PLAGL1: variants seen among roughly 807,000 people sequenced by gnomAD.
PLAGL1 encodes zinc finger protein PLAGL1.
In PLAGL1, 1 loss-of-function variant was observed where a neutral mutation model predicts 4.6. The ratio of observed to expected loss-of-function variants is 0.22; its 90% CI spans 0.08 to 1.03. The LOEUF is 1.03. Ranked by LOEUF, PLAGL1 falls within the 50% of genes least tolerant of loss-of-function variation. The probability of loss-of-function intolerance (pLI) is 0.58; values close to 1 mark genes in which losing one functional copy is unlikely to be tolerated. For missense variants in PLAGL1, 464 were observed against 570.4 expected (o/e 0.81, Z 1.90); for synonymous variants, 240 against 237.8 (o/e 1.01, Z -0.08).
In PLAGL1 at chr6:143,960,735, G is replaced by A. The variant is rs1783217820; in HGVS notation, c.-398-193C>T. The A allele has an allele frequency of 2.0e-5, 3 of 152,054 alleles. No homozygotes were observed. The highest frequency in any genetic ancestry group is 4.4e-5 in the Non-Finnish European group (3 of 68,024). 9.4% of individuals were successfully genotyped at this position (152,054 alleles called of 1,614,324 possible). On this transcript the variant is annotated intron_variant, in intron 5 of 7. Coordinates refer to ENST00000674357, the MANE Select transcript of PLAGL1 (RefSeq NM_001317162.2). The surrounding 1 kb of genome is among the most constrained non-coding windows in gnomAD (Gnocchi z 5.7). ...ATATCCTTTGTCCTACTTGCAACTG[G>A]ATTAAGAAAAACTCTCAACTTTTCC...
rs1314819989 is a variant in PLAGL1 at position 144,048,141 on chromosome 6, CAAG to C, written c.-151+16324_-151+16326del. On this transcript the variant is annotated intron_variant, in intron 1 of 3. Transcript: ENST00000437412. The surrounding 1 kb of genome is among the most constrained non-coding windows in gnomAD (Gnocchi z 4.8). ...TGTCTCACATCAGGGTATGCTGATG[CAAG>C]AAGTGGGCTCCCACGGTCTTGGGCA... is the stretch of plus-strand genomic sequence containing the variant. 6.6e-6 allele frequency among the ~76,000 whole-genome samples: 1 copy of C among 152,206 alleles called. No homozygotes were observed. Among genetic ancestry groups the C allele is most frequent in the Non-Finnish European group, 1.5e-5 (1 of 68,042 alleles).
At position 144,016,824 on chromosome 6, in the gene PLAGL1, G is replaced by T. The variant is rs1795595897; in HGVS notation, c.-151+47644C>A. Among the ~76,000 whole-genome samples, 1 of 152,132 alleles carries T rather than the reference G, an allele frequency of 6.6e-6. No homozygotes were observed. Among genetic ancestry groups the T allele is most frequent in the South Asian group, 2.1e-4 (1 of 4,816 alleles). ...GATAGGATGAGGAGAAATCACATGA[G>T]ATTGGTTTTATCTCTATTACCAGCA... On this transcript the variant is annotated intron_variant, in intron 1 of 3. Coordinates refer to the PLAGL1 transcript ENST00000437412. The surrounding 1 kb of genome is among the most constrained non-coding windows in gnomAD (Gnocchi z 4.2).
In PLAGL1 at chr6:143,972,146, C is replaced by T. The variant is rs1785538155; in HGVS notation, c.-543-3168G>A. Among the ~76,000 whole-genome samples, 1 of 152,252 alleles carries T rather than the reference C, an allele frequency of 6.6e-6. No homozygotes were observed. The highest frequency in any genetic ancestry group is 2.4e-5 in the African/African-American group (1 of 41,472). Reference sequence around the variant, plus strand: ...CAGTTGAAACTGTGATAAGTAATTACTTTCAAAGGAATGTAGACAGAGCCA... The same window carrying T: ...CAGTTGAAACTGTGATAAGTAATTATTTTCAAAGGAATGTAGACAGAGCCA... On this transcript the variant is annotated intron_variant, in intron 2 of 7. Transcript: ENST00000674357. The surrounding 1 kb of genome is among the most constrained non-coding windows in gnomAD (Gnocchi z 6.8).
In PLAGL1 at chr6:144,016,938, C is replaced by T. The variant is rs1478976975; in HGVS notation, c.-151+47530G>A. 6.6e-6 allele frequency among the ~76,000 whole-genome samples: 1 copy of T among 152,030 alleles called. No individual in the cohort carries two copies. The highest frequency in any genetic ancestry group is 1.5e-5 in the Non-Finnish European group (1 of 68,010). Reference sequence around the variant, plus strand: ...TGTGCATTATCAGTCTGTTTTCTAACCTGTGAGGGTGTCAGTGGCAGAGGT... The same window carrying T: ...TGTGCATTATCAGTCTGTTTTCTAATCTGTGAGGGTGTCAGTGGCAGAGGT... On this transcript the variant is annotated intron_variant, in intron 1 of 3. Transcript: ENST00000437412. This position sits in a 1 kb window ranked among gnomAD's most constrained non-coding sequence, Gnocchi z 4.2.
At chr6:143,951,409 G>A (rs1781051093) in intron 6 of PLAGL1, among the ~76,000 whole-genome samples, 1 of 152,196 alleles carries the variant, frequency 6.6e-6, no homozygotes, top group African/African-American at 2.4e-5. Context: ...TGGCAGTGTG[G>A]ACAACACACG....
chr6:143,952,644 G>T lies in PLAGL1; in HGVS notation c.-324-4184C>A, dbSNP rs1239090431. ...GGGACAGGGGTATACGAGGGTGGAG[G>T]GGGGAGTCAGAACACAACTGTAGTT... On this transcript the variant is annotated intron_variant, in intron 6 of 7. Transcript: ENST00000674357. The surrounding 1 kb of genome is among the most constrained non-coding windows in gnomAD (Gnocchi z 6.1). Among the ~76,000 whole-genome samples the T allele has an allele frequency of 6.6e-6, 1 of 152,114 alleles. No homozygotes were observed. The highest frequency in any genetic ancestry group is 1.5e-5 in the Non-Finnish European group (1 of 68,014).
Position 144,027,300 on chromosome 6 carries a change from T to A in PLAGL1, c.-151+37168A>T, listed in dbSNP as rs920122133. On this transcript the variant is annotated intron_variant, in intron 1 of 3. Transcript: ENST00000437412. This position sits in a 1 kb window ranked among gnomAD's most constrained non-coding sequence, Gnocchi z 5.8. ...GAAAGAAAGAAAGAAAGAAAGTTAT[T>A]TGATCTGAAGTACAATGTCTTTAAG... Among the ~76,000 whole-genome samples the A allele has an allele frequency of 7.6e-6, 1 of 131,536 alleles. No individual in the cohort carries two copies. Among genetic ancestry groups the A allele is most frequent in the Non-Finnish European group, 1.6e-5 (1 of 60,952 alleles). 86.3% of individuals were successfully genotyped at this position (131,536 alleles called of 152,430 possible). A position where few individuals can be genotyped will look rare whatever the true frequency, so the allele number is the denominator to read the frequency against.
Position 144,036,879 on chromosome 6 carries a change from G to T in PLAGL1, c.-151+27589C>A. 1 of 276,496 alleles carries T rather than the reference G, an allele frequency of 3.6e-6. No individual in the cohort carries two copies. Among genetic ancestry groups the T allele is most frequent in the South Asian group, 4.2e-5 (1 of 24,052 alleles). The allele number at this position is 276,496 out of a possible 1,614,324, so 17.1% of individuals were successfully genotyped here. On this transcript the variant is annotated intron_variant, in intron 1 of 3. Coordinates refer to the PLAGL1 transcript ENST00000437412. This position sits in a 1 kb window ranked among gnomAD's most constrained non-coding sequence, Gnocchi z 5.1. Reference sequence around the variant, plus strand: ...CATCCCCTAATGGTTTGTTCTTGGTGTTGGACAAATCATAAAAGGACCAGA... The same window carrying T: ...CATCCCCTAATGGTTTGTTCTTGGTTTTGGACAAATCATAAAAGGACCAGA...
rs994225464 is a variant in PLAGL1, at chr6:143,972,855, G to A, written c.-543-3877C>T. Among the ~76,000 whole-genome samples the A allele has an allele frequency of 6.6e-6, 1 of 152,074 alleles. No homozygotes were observed. The highest frequency in any genetic ancestry group is 1.5e-5 in the Non-Finnish European group (1 of 68,026). Reference sequence around the variant, plus strand: ...TCTACTTCTGTGTTTAAAAAAAGAGGGCGGGTGGAGAATCAACTTCTACTT... The same window carrying A: ...TCTACTTCTGTGTTTAAAAAAAGAGAGCGGGTGGAGAATCAACTTCTACTT... On this transcript the variant is annotated intron_variant, in intron 2 of 7. Transcript: ENST00000674357. This position sits in a 1 kb window ranked among gnomAD's most constrained non-coding sequence, Gnocchi z 6.8.
In PLAGL1 at chr6:143,983,004, G is replaced by A. The variant is rs1788286436; in HGVS notation, c.-544+2131C>T. Among the ~76,000 whole-genome samples the A allele has an allele frequency of 6.6e-6, 1 of 152,146 alleles. No individual in the cohort carries two copies. The highest frequency in any genetic ancestry group is 2.1e-4 in the South Asian group (1 of 4,824). On this transcript the variant is annotated intron_variant, in intron 2 of 7. Coordinates refer to ENST00000674357, the MANE Select transcript of PLAGL1 (RefSeq NM_001317162.2). The surrounding 1 kb of genome is among the most constrained non-coding windows in gnomAD (Gnocchi z 6.6). ...GTATTTAAAGCCATAAAAATGAATG[G>A]GAGCAGCTAGGGAGTGAGAATCGAC...
At position 144,061,258 on chromosome 6, in the gene PLAGL1, A is replaced by G. The variant is rs1489844532; in HGVS notation, c.-151+3210T>C. ...ACTAAATTCCAAAAGGGAGCCTCTC[A>G]TTTCACTTCAGTTACCCATCAGCCA... is the stretch of plus-strand genomic sequence containing the variant. On this transcript the variant is annotated intron_variant, in intron 1 of 3. Transcript: ENST00000437412. This position sits in a 1 kb window ranked among gnomAD's most constrained non-coding sequence, Gnocchi z 4.4. Among the ~76,000 whole-genome samples the G allele has an allele frequency of 2.6e-5, 4 of 152,194 alleles. No individual in the cohort carries two copies. Among genetic ancestry groups the G allele is most frequent in the African/African-American group, 9.7e-5 (4 of 41,442 alleles).
At position 143,948,166 on chromosome 6, in the gene PLAGL1, G is replaced by T; in HGVS notation, c.-30C>A. The T allele has an allele frequency of 6.2e-7, 1 of 1,606,798 alleles. No homozygotes were observed. Among genetic ancestry groups the T allele is most frequent in the Non-Finnish European group, 8.5e-7 (1 of 1,174,966 alleles). On this transcript the variant is annotated 5_prime_UTR_variant, in exon 7 of 8. In the 5' UTR this introduces an upstream ATG that the reference lacks. Transcript: ENST00000674357. The surrounding 1 kb of genome is among the most constrained non-coding windows in gnomAD (Gnocchi z 6.0). ...TTTGCTTCTCACACCTTCCTTTTCA[G>T]ATGTGCTGACCAAATGCTGTGCCAT...
Position 143,955,435 on chromosome 6 carries a change from T to C in PLAGL1, c.-325+5034A>G, listed in dbSNP as rs1781919881. On this transcript the variant is annotated intron_variant, in intron 6 of 7. Coordinates refer to ENST00000674357, the MANE Select transcript of PLAGL1 (RefSeq NM_001317162.2). This position sits in a 1 kb window ranked among gnomAD's most constrained non-coding sequence, Gnocchi z 4.9. The stretch of plus-strand genomic sequence containing the variant: ...TCATAAATTGTTTTTAGCAGATTGA[T>C]CTATTTAGTCAAGTCCAGCCACAAA... Among the ~76,000 whole-genome samples the C allele has an allele frequency of 6.6e-6, 1 of 152,096 alleles. No homozygotes were observed.
rs1305733515 is a variant in PLAGL1, at chr6:144,053,286, C to T, written c.-151+11182G>A. Among the ~76,000 whole-genome samples, 1 of 152,168 alleles carries T rather than the reference C, an allele frequency of 6.6e-6. No homozygotes were observed. The highest frequency in any genetic ancestry group is 2.4e-5 in the African/African-American group (1 of 41,442). On this transcript the variant is annotated intron_variant, in intron 1 of 3. Coordinates refer to the PLAGL1 transcript ENST00000437412. The surrounding 1 kb of genome is among the most constrained non-coding windows in gnomAD (Gnocchi z 4.0). ...AGTACCTGGGATTACAGGCATGCAC[C>T]ATCATGCCGAGCTAATTTTTGTATT... is the stretch of plus-strand genomic sequence containing the variant.
rs1461529333 is a variant in PLAGL1, at chr6:143,979,380, G to A, written c.-544+5755C>T. On this transcript the variant is annotated intron_variant, in intron 2 of 7. Transcript: ENST00000674357. The surrounding 1 kb of genome is among the most constrained non-coding windows in gnomAD (Gnocchi z 4.6). ...CTTACTGACATGATTAGGCTGAAAT[G>A]TACGATCTTGTTATTTGTTGTCTAA... 2.0e-5 allele frequency among the ~76,000 whole-genome samples: 3 copies of A among 152,084 alleles called. No homozygotes were observed. Among genetic ancestry groups the A allele is most frequent in the Non-Finnish European group, 2.9e-5 (2 of 67,958 alleles).
chr6:144,029,455 A>G (rs1252342135), intron 1 of PLAGL1, among the ~76,000 whole-genome samples: 2 of 152,266 alleles, frequency 1.3e-5, no homozygotes, highest in Non-Finnish European at 2.9e-5. Flanking sequence ...ATAAGTAAGG[A>G]AAAGATTAAC....
intron 1 of PLAGL1, chr6:144,007,001 A>G (rs1010105191): frequency 5.9e-5 from 9 of 152,156 alleles, no homozygotes; most frequent in Admixed American, 2.6e-4. Context: ...ACTAAAATGG[A>G]CTTCAAATTC....
In PLAGL1 at chr6:143,994,825, A is replaced by G. The variant is rs1459336506; in HGVS notation, c.-583-9651T>C. ...GTCTTAAGAGTGGGGCTTTAATCCA[A>G]TTAAAATTCTCATTATAATACATGT... On this transcript the variant is annotated intron_variant, in intron 1 of 7. Transcript: ENST00000674357. This position sits in a 1 kb window ranked among gnomAD's most constrained non-coding sequence, Gnocchi z 4.3. Among the ~76,000 whole-genome samples the G allele has an allele frequency of 6.6e-6, 1 of 152,222 alleles. No individual in the cohort carries two copies. Among genetic ancestry groups the G allele is most frequent in the African/African-American group, 2.4e-5 (1 of 41,458 alleles).
chr6:143,975,459 ATAAC>A lies in PLAGL1; in HGVS notation c.-543-6485_-543-6482del, dbSNP rs1562473272. On this transcript the variant is annotated intron_variant, in intron 2 of 7. Coordinates refer to ENST00000674357, the MANE Select transcript of PLAGL1 (RefSeq NM_001317162.2). The surrounding 1 kb of genome is among the most constrained non-coding windows in gnomAD (Gnocchi z 5.8). The stretch of plus-strand genomic sequence containing the variant: ...CAGGGTTTGTGGAGGATCAAATTAG[ATAAC>A]TAATATAAAGCTCCTAAAACAGCAT... 2.0e-5 allele frequency among the ~76,000 whole-genome samples: 3 copies of A among 152,244 alleles called. No individual in the cohort carries two copies. Among genetic ancestry groups the A allele is most frequent in the Admixed American group, 1.3e-4 (2 of 15,290 alleles).
Sources: gnomAD v4.1 joint callset for allele counts (sites outside exome capture counted in the v4.1 genomes callset) on GRCh38, gnomAD v4.1.1 for gene constraint, Gnocchi (gnomAD v3.1) non-coding constraint, MANE v1.5 for transcripts, NCBI Gene and HGNC (gene_info 2026-07-23, HGNC 2026-07-21) for gene names.